KBTBD12: variants seen among roughly 807,000 people sequenced by gnomAD.
KBTBD12 encodes kelch repeat and BTB domain-containing protein 12.
A neutral mutation model predicts 58.7 loss-of-function variants in KBTBD12; 53 were observed. That is an observed-to-expected ratio of 0.90 (90% confidence interval 0.72 to 1.14). The LOEUF (loss-of-function observed/expected upper bound fraction) is 1.14, where lower values mean the gene tolerates loss of function less well. KBTBD12 is among the 50% of genes most tolerant of loss of function. The probability of loss-of-function intolerance (pLI) is 0.00; values close to 1 mark genes in which losing one functional copy is unlikely to be tolerated. For missense variants in KBTBD12, 704 were observed against 751.3 expected (o/e 0.94, Z 0.74); for synonymous variants, 236 against 259.8 (o/e 0.91, Z 0.88).
intron 4 of KBTBD12, among the ~76,000 whole-genome samples, chr3:127,951,939 A>G (rs1453461175): frequency 6.6e-6 from 1 of 152,228 alleles, no homozygotes; most frequent in African/African-American, 2.4e-5. Context: ...AGTTCTCAGT[A>G]GTATAAACAC....
chr3:127,978,146 G>C (rs1195965610), intron 5 of KBTBD12, among the ~76,000 whole-genome samples: 1 of 152,144 alleles, frequency 6.6e-6, no homozygotes, highest in African/African-American at 2.4e-5. Flanking sequence ...TAGGTGTGCA[G>C]CATTATTTCT....
chr3:127,924,329 C>A, intron 2 of KBTBD12, among the ~76,000 whole-genome samples, 198 bp downstream of exon 2: 2 of 147,524 alleles, frequency 1.4e-5, no homozygotes, highest in Admixed American at 6.8e-5. Flanking sequence ...TATATATAAT[C>A]TATAACTCAT....
chr3:127,979,215 T>C (rs1940835501), intron 5 of KBTBD12, among the ~76,000 whole-genome samples: 1 of 152,182 alleles, frequency 6.6e-6, no homozygotes, highest in Non-Finnish European at 1.5e-5. Flanking sequence ...ATTACTTGAC[T>C]TACCAGGAAC....
At chr3:127,935,620 G>T (rs1306266099) in intron 4 of KBTBD12, among the ~76,000 whole-genome samples, 1 of 152,016 alleles carries the variant, frequency 6.6e-6, no homozygotes, top group African/African-American at 2.4e-5. Context: ...AGAAAATGAT[G>T]CACTTAAAAA....
At chr3:127,921,318 T>A (rs1333567218) in intron 1 of KBTBD12, among the ~76,000 whole-genome samples, 1 of 152,140 alleles carries the variant, frequency 6.6e-6, no homozygotes, top group Non-Finnish European at 1.5e-5. Flanking sequence ...ACCTTTGAGC[T>A]TACTATGATA....
rs1436079148 is a variant in KBTBD12 at position 127,930,223 on chromosome 3, A to G, written c.1432A>G (p.Met478Val). ...SQDQWSVRAP[M>V]KYSKYRFSTA... ...AGATCAATGGAGTGTGCGGGCACCC[A>G]TGAAGTACTCTAAGTACCGATTCAG... is the stretch of plus-strand genomic sequence containing the variant. The change falls in exon 4 of 6, where the codon ATG becomes GTG. Residue 478 changes from methionine (M) to valine (V), a missense_variant. Coordinates refer to ENST00000405109, the MANE Select transcript of KBTBD12 (RefSeq NM_207335.4). The G allele has an allele frequency of 6.2e-7, 1 of 1,610,480 alleles. No individual in the cohort carries two copies. The highest frequency in any genetic ancestry group is 1.7e-5 in the Admixed American group (1 of 59,538).
chr3:127,916,759 GCCAA>G (rs1939253563), intron 1 of KBTBD12, among the ~76,000 whole-genome samples: 2 of 149,502 alleles, frequency 1.3e-5, no homozygotes, highest in African/African-American at 4.9e-5. Context: ...CGTAAGTGAA[GCCAA>G]TACATGGCTT....
Position 127,919,202 on chromosome 3 carries a change from AT to A in KBTBD12, c.-113+3628del, listed in dbSNP as rs200308096. On this transcript the variant is annotated intron_variant, in intron 1 of 5. Coordinates refer to ENST00000405109, the MANE Select transcript of KBTBD12 (RefSeq NM_207335.4). The stretch of plus-strand genomic sequence containing the variant: ...GATTATAAGCTACTCACTATACTGA[AT>A]TTTTTTTTTTTCCGAGACACGGTCT... Among the ~76,000 whole-genome samples the A allele has an allele frequency of 6.3e-3, 934 of 147,348 alleles. 5 individuals carry two copies. The highest frequency in any genetic ancestry group is 8.8e-3 in the African/African-American group (358 of 40,460).
At chr3:127,961,642 A>T (rs1260894697) in intron 4 of KBTBD12, among the ~76,000 whole-genome samples, 1 of 152,226 alleles carries the variant, frequency 6.6e-6, no homozygotes, top group African/African-American at 2.4e-5. Context: ...GATATAAAAG[A>T]TGCAGAATAG....
chr3:127,963,475 G>A lies in KBTBD12; in HGVS notation c.1690+89G>A, dbSNP rs2107610402. The A allele has an allele frequency of 3.4e-6, 4 of 1,192,944 alleles. No homozygotes were observed. In the South Asian group the frequency reaches 6.5e-5, roughly 19 times the overall value. The allele number at this position is 1,192,944 out of a possible 1,614,324, so 73.9% of individuals were successfully genotyped here. A position where few individuals can be genotyped will look rare whatever the true frequency, so the allele number is the denominator to read the frequency against. ...ATCCAATCACCACTAATATTCCTGA[G>A]AGCAACGTGAGCACTGCAAAAGCAT... On this transcript the variant is annotated intron_variant, in intron 5 of 5. Coordinates refer to ENST00000405109, the MANE Select transcript of KBTBD12 (RefSeq NM_207335.4).
intron 4 of KBTBD12, among the ~76,000 whole-genome samples, chr3:127,945,637 G>T (rs545626873): frequency 1.3e-5 from 2 of 149,764 alleles, no homozygotes; most frequent in African/African-American, 4.9e-5. Flanking sequence ...TTTCATTTGG[G>T]TTATGTTTTT....
Position 127,922,945 on chromosome 3 carries a change from C to T in KBTBD12, c.-112-5C>T, listed in dbSNP as rs4558707. The T allele has an allele frequency of 1.8e-3, 1,118 of 627,670 alleles. 5 individuals carry two copies. The highest frequency in any genetic ancestry group is 0.016 in the African/African-American group (892 of 54,366). The allele number at this position is 627,670 out of a possible 1,614,324, so 38.9% of individuals were successfully genotyped here. A position where few individuals can be genotyped will look rare whatever the true frequency, so the allele number is the denominator to read the frequency against. On this transcript the variant is annotated splice_region_variant and splice_polypyrimidine_tract_variant and intron_variant, in intron 1 of 5. Coordinates refer to ENST00000405109, the MANE Select transcript of KBTBD12 (RefSeq NM_207335.4). ...GAAGGAAACTGCCTTTTTTCTTTCC[C>T]TTAGAAATGTTTCCTGACATCTTTG...
At chr3:127,924,167 G>GT in intron 2 of KBTBD12, 36 bp downstream of exon 2, 1 of 1,341,454 alleles carries the variant, frequency 7.5e-7, no homozygotes, top group South Asian at 1.3e-5. Context: ...TAATTATTTT[G>GT]TTTTGATACT....
intron 4 of KBTBD12, among the ~76,000 whole-genome samples, chr3:127,951,318 T>C (rs142014260): frequency 1.3e-5 from 2 of 152,338 alleles, no homozygotes; most frequent in Admixed American, 6.5e-5. Context: ...GATGATTTTA[T>C]ATAGGATTGT....
chr3:127,978,923 G>A (rs1467732525), intron 5 of KBTBD12, among the ~76,000 whole-genome samples: 1 of 152,234 alleles, frequency 6.6e-6, no homozygotes, highest in Non-Finnish European at 1.5e-5. Context: ...ATTGCAGACA[G>A]GAGGGAGCTC....
At chr3:127,970,767 T>C (rs1230136937) in intron 5 of KBTBD12, among the ~76,000 whole-genome samples, 3 of 152,176 alleles carry the variant, frequency 2.0e-5, no homozygotes, top group African/African-American at 7.2e-5. Flanking sequence ...AGATTTGTGA[T>C]TGCCAGAAAA....
chr3:127,954,928 C>T (rs909062853), intron 4 of KBTBD12, among the ~76,000 whole-genome samples: 1 of 152,196 alleles, frequency 6.6e-6, no homozygotes, highest in Non-Finnish European at 1.5e-5. Context: ...ATCCTTTGGT[C>T]AGAACGAAGA....
At chr3:127,950,027 G>A (rs958749691) in intron 4 of KBTBD12, among the ~76,000 whole-genome samples, 2 of 152,200 alleles carry the variant, frequency 1.3e-5, no homozygotes, top group African/African-American at 4.8e-5. Context: ...CTCAGAGTAT[G>A]AGAATTTAAG....
At position 127,986,102 on chromosome 3, in the gene KBTBD12, G is replaced by A. The variant is rs557518681; in HGVS notation, c.*1824G>A. ...CTTGAAAAGTCCAGAAAGCTGCCGC[G>A]TCTCCCTGGCTCAAGGAGGCCTTGT... On this transcript the variant is annotated 3_prime_UTR_variant, in exon 6 of 6. Transcript: ENST00000405109. 6 of 152,650 alleles carry A rather than the reference G, an allele frequency of 3.9e-5. No individual in the cohort carries two copies. In the East Asian group the frequency reaches 5.8e-4, roughly 15 times the overall value. 9.5% of individuals were successfully genotyped at this position (152,650 alleles called of 1,614,324 possible).
Sources: gnomAD v4.1 joint callset for allele counts (sites outside exome capture counted in the v4.1 genomes callset) on GRCh38, gnomAD v4.1.1 for gene constraint, MANE v1.5 for transcripts, NCBI Gene and HGNC (gene_info 2026-07-23, HGNC 2026-07-21) for gene names.